Variants in TMEM132C observed in about 807,000 individuals in gnomAD.
TMEM132C encodes the protein transmembrane protein 132C.
In TMEM132C, 29 loss-of-function variants were observed where a neutral mutation model predicts 61.4. The ratio of observed to expected loss-of-function variants is 0.47; its 90% CI spans 0.35 to 0.64. TMEM132C has a LOEUF of 0.64. Ranked by LOEUF, TMEM132C falls within the 30% of genes least tolerant of loss-of-function variation. The probability of loss-of-function intolerance (pLI) is 0.00; values close to 1 mark genes in which losing one functional copy is unlikely to be tolerated. For missense variants in TMEM132C, 1,408 were observed against 1,476.9 expected, an observed-to-expected ratio of 0.95 and a Z score of 0.76; for synonymous variants, 656 against 633.1, an observed-to-expected ratio of 1.04 and a Z score of -0.54.
intron 8 of TMEM132C, among the ~76,000 whole-genome samples, chr12:128,702,356 T>G (rs1390272206): frequency 2.0e-5 from 3 of 152,174 alleles, no homozygotes; most frequent in Admixed American, 2.0e-4. Flanking sequence ...AATTTATTTA[T>G]TATGAAATGT....
At chr12:128,378,153 C>T (rs531564417) in intron 1 of TMEM132C, among the ~76,000 whole-genome samples, 13 of 151,296 alleles carry the variant, frequency 8.6e-5, no homozygotes, top group African/African-American at 2.4e-4. Context: ...CTCGCTCTGT[C>T]GCCCAGGCTG....
intron 2 of TMEM132C, among the ~76,000 whole-genome samples, chr12:128,507,384 CTTTTTTTTTTTTTCTTTCT>C (rs1435482760): frequency 5.4e-5 from 6 of 111,582 alleles, no homozygotes; most frequent in African/African-American, 9.8e-5. Context: ...GTGTTTTTTT[CTTTTTTTTTTTTTCTTTCT>C]TTTTTTTTTT....
intron 3 of TMEM132C, among the ~76,000 whole-genome samples, chr12:128,581,219 A>G (rs1480525855): frequency 6.6e-6 from 1 of 152,058 alleles, no homozygotes; most frequent in African/African-American, 2.4e-5. Context: ...TGCTCAGACC[A>G]TATCAAAACG....
rs143411423 is a variant in TMEM132C, at chr12:128,558,513, C to G, written c.1121+14410C>G. ...GCCTTCCACCATGATCATGAGGCCT[C>G]CCCAACCATGCTGAACTGAGAGTCA... On this transcript the variant is annotated intron_variant, in intron 3 of 8. Transcript: ENST00000435159. 1.4e-3 allele frequency among the ~76,000 whole-genome samples: 209 copies of G among 152,334 alleles called. 1 individual carries two copies. Among genetic ancestry groups the G allele is most frequent in the South Asian group, 3.9e-3 (19 of 4,818 alleles).
At chr12:128,639,038 T>C (rs377028639) in intron 4 of TMEM132C, among the ~76,000 whole-genome samples, 6,726 of 103,158 alleles carry the variant, frequency 0.065, 373 homozygotes, top group Non-Finnish European at 0.084. Flanking sequence ...GTGGTGATGA[T>C]GATGGTGATA....
chr12:128,270,152 CG>C (rs1416668486), intron 1 of TMEM132C, among the ~76,000 whole-genome samples: 7 of 152,150 alleles, frequency 4.6e-5, no homozygotes. Flanking sequence ...GAGATGCCCT[CG>C]GAAGTTTAGT....
chr12:128,594,225 GC>G lies in TMEM132C; in HGVS notation c.1122-21926del, dbSNP rs1217793812. ...TGGGCAGTGTCCCCACCCCAGGGGGGCGCCACATAAAAGGGGATGTGCCCGT... is the reference window on the plus strand; with the variant it reads ...TGGGCAGTGTCCCCACCCCAGGGGGGGCCACATAAAAGGGGATGTGCCCGT... On this transcript the variant is annotated intron_variant, in intron 3 of 8. Transcript: ENST00000435159. Among the ~76,000 whole-genome samples the G allele has an allele frequency of 3.3e-5, 5 of 152,130 alleles. No homozygotes were observed. The East Asian group carries it at 9.7e-4, about 30-fold the overall frequency.
chr12:128,482,209 T>C (rs944150201), intron 2 of TMEM132C, among the ~76,000 whole-genome samples: 3 of 152,174 alleles, frequency 2.0e-5, no homozygotes, highest in Non-Finnish European at 4.4e-5. Flanking sequence ...TTGATTTGCA[T>C]ATGTTGAACC....
chr12:128,506,371 A>G (rs1872360393), intron 2 of TMEM132C, among the ~76,000 whole-genome samples: 1 of 152,196 alleles, frequency 6.6e-6, no homozygotes. Context: ...GCTCAAGTCA[A>G]CATGTGGGAG....
At chr12:128,693,689 A>C (rs1216473340) in intron 5 of TMEM132C, 140 bp from the exon 6 acceptor site, 4 of 978,556 alleles carry the variant, frequency 4.1e-6, no homozygotes, top group Non-Finnish European at 6.0e-6. Flanking sequence ...GAGTGCACCA[A>C]ATCCTTGTCT....
chr12:128,559,623 G>A (rs1423325985), intron 3 of TMEM132C, among the ~76,000 whole-genome samples: 1 of 152,150 alleles, frequency 6.6e-6, no homozygotes, highest in Non-Finnish European at 1.5e-5. Context: ...CATATTTTAT[G>A]TACTCAGAAA....
intron 1 of TMEM132C, among the ~76,000 whole-genome samples, chr12:128,410,374 C>T (rs201811933): frequency 1.3e-5 from 2 of 150,926 alleles, no homozygotes; most frequent in Admixed American, 6.8e-5. Flanking sequence ...AATATATATA[C>T]ACACACACAT....
intron 3 of TMEM132C, among the ~76,000 whole-genome samples, chr12:128,566,481 A>G (rs1874708402): frequency 6.6e-6 from 1 of 152,200 alleles, no homozygotes; most frequent in South Asian, 2.1e-4. Context: ...TGAAAATGTG[A>G]AACATTGTGT....
intron 1 of TMEM132C, among the ~76,000 whole-genome samples, chr12:128,370,368 T>C (rs1873994424): frequency 6.6e-6 from 1 of 152,086 alleles, no homozygotes; most frequent in Non-Finnish European, 1.5e-5. Context: ...GACAACATCC[T>C]AGCAAGAAAC....
At chr12:128,388,118 G>A (rs1364005693) in intron 1 of TMEM132C, among the ~76,000 whole-genome samples, 10 of 152,222 alleles carry the variant, frequency 6.6e-5, no homozygotes, top group African/African-American at 9.6e-5. Flanking sequence ...CAGGAAAAGC[G>A]TCTGGGCCAG....
chr12:128,488,911 G>T (rs1593071505), intron 2 of TMEM132C, among the ~76,000 whole-genome samples: 1 of 152,032 alleles, frequency 6.6e-6, no homozygotes, highest in South Asian at 2.1e-4. Flanking sequence ...TCTCTTTTCA[G>T]TTCATACCTC....
At chr12:128,309,417 T>C (rs76001387) in intron 1 of TMEM132C, among the ~76,000 whole-genome samples, 1,836 of 152,260 alleles carry the variant, frequency 0.012, 42 homozygotes, top group African/African-American at 0.042. Flanking sequence ...CATTTTGAAG[T>C]GTACAATTCA....
At chr12:128,568,711 G>A (rs1874779239) in intron 3 of TMEM132C, among the ~76,000 whole-genome samples, 1 of 152,130 alleles carries the variant, frequency 6.6e-6, no homozygotes, top group African/African-American at 2.4e-5. Context: ...GAGAATGAAG[G>A]TGGGAAAGTG....
intron 4 of TMEM132C, among the ~76,000 whole-genome samples, chr12:128,669,157 T>A (rs570248888): frequency 6.6e-6 from 1 of 152,318 alleles, no homozygotes; most frequent in South Asian, 2.1e-4. Flanking sequence ...AGAAAAAGAA[T>A]AAATACTTTT....
Sources: allele counts gnomAD v4.1 joint callset (sites outside exome capture counted in the v4.1 genomes callset), GRCh38; gene constraint gnomAD v4.1.1; transcripts MANE v1.5; gene names NCBI Gene and HGNC (gene_info 2026-07-23, HGNC 2026-07-21).